Variants in GRM5 observed in about 807,000 individuals in gnomAD.
GRM5 encodes the protein glutamate metabotropic receptor 5, also known as metabotropic glutamate receptor 5.
GRM5 carries 19 observed loss-of-function variants against 83.1 expected under a neutral mutation model. That is an observed-to-expected ratio of 0.23 (90% CI 0.16 to 0.34). GRM5 has a LOEUF of 0.34. GRM5 is among the 10% of genes least tolerant of loss of function. GRM5 has a pLI of 1.00. For missense variants in GRM5, 1,160 were observed against 1,588.3 expected (o/e 0.73, Z 4.58); for synonymous variants, 675 against 633.6 (o/e 1.07, Z -0.98).
chr11:88,601,218 T>C lies in GRM5; in HGVS notation c.1394+3500A>G, dbSNP rs368406540. The stretch of plus-strand genomic sequence containing the variant: ...ATTTTTTACCAGGACAATCTGGACA[T>C]TGAAGCAGAACATCTGTTTCTATGA... On this transcript the variant is annotated intron_variant, in intron 5 of 9. Transcript: ENST00000305447. 1.1e-3 allele frequency among the ~76,000 whole-genome samples: 174 copies of C among 152,324 alleles called. 1 individual carries two copies. In the Middle Eastern group the frequency reaches 0.014, roughly 12 times the overall value.
intron 2 of GRM5, among the ~76,000 whole-genome samples, chr11:88,884,993 A>C (rs1328866420): frequency 6.6e-6 from 1 of 152,196 alleles, no homozygotes; most frequent in Non-Finnish European, 1.5e-5. Context: ...TAATATTTCC[A>C]CATTTCAAAA....
At chr11:88,903,240 G>A (rs1405291930) in intron 2 of GRM5, among the ~76,000 whole-genome samples, 6 of 152,116 alleles carry the variant, frequency 3.9e-5, no homozygotes, top group Non-Finnish European at 7.4e-5. Context: ...GAGGAGATAT[G>A]AGAGGATGTT....
chr11:88,813,184 A>ATCACAAATAAATCTTTTAAATACCG (rs1943614996), intron 3 of GRM5, among the ~76,000 whole-genome samples: 2 of 152,210 alleles, frequency 1.3e-5, no homozygotes, highest in African/African-American at 4.8e-5. Flanking sequence ...CCAGGTTTGT[A>ATCACAAATAAATCTTTTAAATACCG]TCACAAATAA....
intron 2 of GRM5, among the ~76,000 whole-genome samples, chr11:88,898,032 A>G (rs1012509916): frequency 6.6e-6 from 1 of 151,948 alleles, no homozygotes; most frequent in African/African-American, 2.4e-5. Flanking sequence ...GGCTAGAAGA[A>G]CAAATTGCAG....
At chr11:88,653,527 A>G (rs1939691889) in intron 3 of GRM5, 124 bp from the exon 4 acceptor site, 3 of 615,992 alleles carry the variant, frequency 4.9e-6, no homozygotes, top group African/African-American at 1.8e-5. Context: ...ATGGTCCTAT[A>G]TTACACCGAC....
chr11:88,704,097 A>T (rs946159943), intron 3 of GRM5, among the ~76,000 whole-genome samples: 1 of 152,016 alleles, frequency 6.6e-6, no homozygotes, highest in Non-Finnish European at 1.5e-5. Context: ...CATATGGAAG[A>T]AAAGAGATGT....
intron 3 of GRM5, among the ~76,000 whole-genome samples, chr11:88,767,398 A>C (rs970375503): frequency 6.6e-6 from 1 of 152,076 alleles, no homozygotes; most frequent in African/African-American, 2.4e-5. Flanking sequence ...AGCACTATTC[A>C]CAATAGCAAA....
chr11:88,723,643 T>G (rs888826564), intron 3 of GRM5, among the ~76,000 whole-genome samples: 24 of 152,014 alleles, frequency 1.6e-4, no homozygotes, highest in African/African-American at 5.3e-4. Flanking sequence ...AGCAACTAGA[T>G]AACAACTTTT....
intron 3 of GRM5, among the ~76,000 whole-genome samples, chr11:88,739,605 G>A (rs1941988636): frequency 6.6e-6 from 1 of 151,966 alleles, no homozygotes; most frequent in African/African-American, 2.4e-5. Context: ...ATGGGGGCGG[G>A]TTGTCCCATG....
chr11:88,722,579 A>G (rs1229976295), intron 3 of GRM5, among the ~76,000 whole-genome samples: 1 of 152,134 alleles, frequency 6.6e-6, no homozygotes, highest in Non-Finnish European at 1.5e-5. Context: ...CAATCTTTAT[A>G]TACTAAGACA....
At chr11:88,923,781 T>G (rs1287091524) in intron 2 of GRM5, among the ~76,000 whole-genome samples, 1 of 151,850 alleles carries the variant, frequency 6.6e-6, no homozygotes, top group Non-Finnish European at 1.5e-5. Flanking sequence ...TATTATGCAT[T>G]GTATCCATGT....
chr11:88,963,395 G>A (rs769875656), intron 2 of GRM5, among the ~76,000 whole-genome samples: 23 of 152,178 alleles, frequency 1.5e-4, no homozygotes, highest in Admixed American at 6.5e-4. Flanking sequence ...AGTTAGTTAG[G>A]TATTGCCATT....
At chr11:88,947,489 G>A (rs1002421138) in intron 2 of GRM5, among the ~76,000 whole-genome samples, 2 of 150,750 alleles carry the variant, frequency 1.3e-5, no homozygotes, top group African/African-American at 4.9e-5. Context: ...GGAGGTTTAG[G>A]TACCTAAAAC....
intron 2 of GRM5, among the ~76,000 whole-genome samples, chr11:88,944,661 C>T (rs934753444): frequency 6.6e-6 from 1 of 151,682 alleles, no homozygotes; most frequent in Non-Finnish European, 1.5e-5. Flanking sequence ...ATAAAAAATA[C>T]ACTGGATTAC....
At chr11:88,730,167 C>T (rs1357179737) in intron 3 of GRM5, among the ~76,000 whole-genome samples, 3 of 152,058 alleles carry the variant, frequency 2.0e-5, no homozygotes, top group Non-Finnish European at 4.4e-5. Context: ...CTACAAAGAA[C>T]TCAAACAAAT....
At chr11:88,726,280 A>G (rs959735587) in intron 3 of GRM5, among the ~76,000 whole-genome samples, 3 of 152,208 alleles carry the variant, frequency 2.0e-5, no homozygotes, top group Non-Finnish European at 4.4e-5. Flanking sequence ...AGCAGAAGAA[A>G]GGATATCAGA....
chr11:88,634,137 T>G (rs1939054905), intron 4 of GRM5, among the ~76,000 whole-genome samples: 1 of 152,306 alleles, frequency 6.6e-6, no homozygotes, highest in South Asian at 2.1e-4. Context: ...ATAGGATATT[T>G]ACAATGAATA....
chr11:88,560,021 G>A (rs1220416584), intron 8 of GRM5, among the ~76,000 whole-genome samples: 1 of 152,042 alleles, frequency 6.6e-6, no homozygotes, highest in Non-Finnish European at 1.5e-5. Context: ...TGGGGTAGGT[G>A]TATTTCATAC....
chr11:88,883,590 A>T (rs589675), intron 2 of GRM5, among the ~76,000 whole-genome samples: 1 of 152,000 alleles, frequency 6.6e-6, no homozygotes, highest in Non-Finnish European at 1.5e-5. Context: ...AGAAATTCAA[A>T]CCAGCTGAAG....
Sources: gnomAD v4.1 joint callset for allele counts (sites outside exome capture counted in the v4.1 genomes callset) on GRCh38, gnomAD v4.1.1 for gene constraint, MANE v1.5 for transcripts, NCBI Gene and HGNC (gene_info 2026-07-23, HGNC 2026-07-21) for gene names.